Variants in CHD8 observed in about 807,000 individuals in gnomAD.
CHD8 encodes the protein ATP-dependent chromatin remodeler CHD8.
CHD8 carries 31 observed loss-of-function variants against 279.2 expected under a neutral mutation model. The ratio of observed to expected loss-of-function variants is 0.11; its 90% CI spans 0.08 to 0.15. The LOEUF is 0.15. Among genes scored for constraint, CHD8 ranks in the 10% least tolerant of loss-of-function variants. The pLI is 1.00. For synonymous variants in CHD8, 1,081 were observed against 1,139.6 expected (o/e 0.95, Z 1.04); for missense variants, 2,146 against 3,230.5 (o/e 0.66, Z 8.14).
chr14:21,437,520 G>A (rs1056421956), intron 1 of CHD8, among the ~76,000 whole-genome samples: 4 of 152,010 alleles, frequency 2.6e-5, no homozygotes, highest in African/African-American at 9.7e-5. Flanking sequence ...ACCAGTCCTG[G>A]AGATTAAATT....
chr14:21,429,366 C>G, intron 2 of CHD8, 31 bp from the exon 3 acceptor site: 4 of 1,598,656 alleles, frequency 2.5e-6, no homozygotes, highest in Non-Finnish European at 3.4e-6. Flanking sequence ...TGCAAGAGTA[C>G]AACATTAAAG....
At chr14:21,451,788 A>AGGATGGAAAC (rs1203608634) in intron 1 of CHD8, among the ~76,000 whole-genome samples, 2 of 152,178 alleles carry the variant, frequency 1.3e-5, no homozygotes, top group East Asian at 3.9e-4. Context: ...GGCCTAGTGA[A>AGGATGGAAAC]GGATGGAAAC....
rs749990615 is a variant in CHD8 at position 21,409,926 on chromosome 14, T to C, written c.2289A>G (p.Leu763=). The C allele has an allele frequency of 1.9e-6, 3 of 1,613,854 alleles. No homozygotes were observed. Among genetic ancestry groups the C allele is most frequent in the Non-Finnish European group, 2.5e-6 (3 of 1,179,774 alleles). Residue 763 remains leucine, a synonymous_variant, in exon 11 of 38, where the codon CTA becomes CTG. Coordinates refer to ENST00000646647, the MANE Select transcript of CHD8 (RefSeq NM_001170629.2). ...TCTTGCCCTCATCAACATCTTCTTT[T>C]AGCTCCCATGTGCTATCCTCATAGG... ...SLPYEDSTWE[L]KEDVDEGKIR... is the part of the protein sequence containing the mutation.
rs368009853 is a variant in CHD8 at position 21,403,432 on chromosome 14, C to A, written c.3518+21G>T. On this transcript the variant is annotated intron_variant, in intron 17 of 37. Coordinates refer to ENST00000646647, the MANE Select transcript of CHD8 (RefSeq NM_001170629.2). The surrounding 1 kb of genome is among the most constrained non-coding windows in gnomAD (Gnocchi z 4.3). ...TTTATGAGGACAGAGTAACCACAGG[C>A]TAGGATGACTCTTTTCTTACCTCCT... 4.6e-5 allele frequency: 73 copies of A among 1,580,574 alleles called. No homozygotes were observed. Among genetic ancestry groups the A allele is most frequent in the Non-Finnish European group, 6.1e-5 (70 of 1,152,740 alleles).
intron 20 of CHD8, 61 bp from the exon 21 acceptor site, chr14:21,401,574 C>A: frequency 9.7e-7 from 1 of 1,029,576 alleles, no homozygotes. Context: ...GCAAAATCAG[C>A]AATTATGTTT....
chr14:21,392,949 C>CAG, intron 33 of CHD8, 140 bp from the exon 34 acceptor site: 1 of 1,195,606 alleles, frequency 8.4e-7, no homozygotes. Context: ...TATTAAGATT[C>CAG]CTAAGTCAAC....
chr14:21,399,571 G>A (rs377109090), intron 26 of CHD8, 31 bp downstream of exon 26: 22 of 1,463,420 alleles, frequency 1.5e-5, no homozygotes, highest in South Asian at 6.8e-5. Context: ...ATCTTCAGTC[G>A]GAAAGGAGTA....
At chr14:21,386,511 G>T (rs1466885870) in intron 37 of CHD8, among the ~76,000 whole-genome samples, 1 of 152,130 alleles carries the variant, frequency 6.6e-6, no homozygotes, top group East Asian at 1.9e-4. Flanking sequence ...AAGGGGTCTG[G>T]GTAAGACAAT....
Position 21,405,028 on chromosome 14 carries a change from C to T in CHD8, c.3307+181G>A. 3.3e-6 allele frequency: 2 copies of T among 610,042 alleles called. No homozygotes were observed. Among genetic ancestry groups the T allele is most frequent in the Non-Finnish European group, 5.6e-6 (2 of 354,988 alleles). 37.8% of individuals were successfully genotyped at this position (610,042 alleles called of 1,614,324 possible). On this transcript the variant is annotated intron_variant, in intron 16 of 37. Transcript: ENST00000646647. The surrounding 1 kb of genome is among the most constrained non-coding windows in gnomAD (Gnocchi z 4.2). ...TGTATTTTTTGTAGAGGTGGGATTT[C>T]ATCATGTTGCCCAGGCTTAGAGTCT...
At chr14:21,450,415 G>A (rs939648770) in intron 1 of CHD8, among the ~76,000 whole-genome samples, 7 of 152,008 alleles carry the variant, frequency 4.6e-5, no homozygotes, top group Non-Finnish European at 8.8e-5. Flanking sequence ...AGCATGTAGT[G>A]GAAGAAAAAA....
intron 7 of CHD8, 95 bp from the exon 8 acceptor site, chr14:21,415,088 A>G (rs1185399145): frequency 4.6e-5 from 35 of 767,250 alleles, no homozygotes; most frequent in Non-Finnish European, 6.8e-5. Context: ...TCATACCAAT[A>G]ATCTCTGAAT....
In CHD8 at chr14:21,403,480, A is replaced by G. The variant is rs1396275676; in HGVS notation, c.3491T>C (p.Ile1164Thr). 6.2e-7 allele frequency: 1 copy of G among 1,613,188 alleles called. No individual in the cohort carries two copies. The highest frequency in any genetic ancestry group is 1.7e-5 in the Admixed American group (1 of 59,948). The change falls in exon 17 of 38, where the codon ATC becomes ACC. Residue 1164 changes from isoleucine (I) to threonine (T), a missense_variant. Physicochemically the swap from Ile to Thr is moderately conservative, Grantham distance 89 (BLOSUM62 -1). Around this residue, in one of 26 missense-constraint regions of CHD8, gnomAD observed 48 missense variants for 135.7 expected, o/e 0.35. Coordinates refer to ENST00000646647, the MANE Select transcript of CHD8 (RefSeq NM_001170629.2). The surrounding 1 kb of genome is among the most constrained non-coding windows in gnomAD (Gnocchi z 4.3). ...CCTCTGGATTAAATAATCCTCTAGG[A>G]TGTCTAGGCAGCGCACCATCTGAGA... ...IFSQMVRCLD[I>T]LEDYLIQRRY...
chr14:21,386,433 C>CT (rs1465605084), intron 37 of CHD8: 1 of 536,192 alleles, frequency 1.9e-6, no homozygotes, highest in Non-Finnish European at 3.3e-6. Context: ...GTTTTTGCTT[C>CT]TTTTCCCCAT....
At position 21,452,252 on chromosome 14, in the gene CHD8, T is replaced by C. The variant is rs571302962; in HGVS notation, c.-216+3780A>G. 5.8e-4 allele frequency among the ~76,000 whole-genome samples: 87 copies of C among 149,742 alleles called. No homozygotes were observed. In the South Asian group the frequency reaches 0.014, roughly 23 times the overall value. On this transcript the variant is annotated intron_variant, in intron 1 of 37. Transcript: ENST00000646647. ...AGAGACGGGGTTTCACCATGTTGGC[T>C]AGGATGCCCGCCTTGGCCTCCCAAA...
chr14:21,388,663 T>A (rs921848841), intron 37 of CHD8, among the ~76,000 whole-genome samples: 54 of 152,170 alleles, frequency 3.5e-4, no homozygotes, highest in African/African-American at 1.2e-3. Flanking sequence ...AGCTAATTTT[T>A]TGTAGAGATA....
Position 21,405,544 on chromosome 14 carries a change from T to G in CHD8, c.3052-80A>C. ...CACATTATGTAGAAACATGGAAAAA[T>G]TAGAGTTTTCCACTATCTAAGAAAT... On this transcript the variant is annotated intron_variant, in intron 15 of 37. Transcript: ENST00000646647. The surrounding 1 kb of genome is among the most constrained non-coding windows in gnomAD (Gnocchi z 4.2). The G allele has an allele frequency of 1.9e-6, 3 of 1,540,110 alleles. No individual in the cohort carries two copies. Among genetic ancestry groups the G allele is most frequent in the South Asian group, 2.5e-5 (2 of 79,776 alleles).
At chr14:21,397,449 G>A (rs990174101) in intron 27 of CHD8, 2 of 486,690 alleles carry the variant, frequency 4.1e-6, no homozygotes, top group Non-Finnish European at 8.4e-6. Flanking sequence ...GTACCATTGG[G>A]AGATGATAAA....
chr14:21,409,116 T>C (rs979178580), intron 11 of CHD8, among the ~76,000 whole-genome samples: 1 of 152,166 alleles, frequency 6.6e-6, no homozygotes, highest in African/African-American at 2.4e-5. Flanking sequence ...TGATGTCTAA[T>C]AGAGCTTTCT....
At chr14:21,388,950 C>T (rs1053973836) in intron 37 of CHD8, among the ~76,000 whole-genome samples, 8 of 152,164 alleles carry the variant, frequency 5.3e-5, no homozygotes, top group Non-Finnish European at 7.3e-5. Flanking sequence ...TATACAAGTG[C>T]TAATCCATTT....
Sources: gnomAD v4.1 joint callset for allele counts (sites outside exome capture counted in the v4.1 genomes callset) on GRCh38, gnomAD v4.1.1 for gene constraint, gnomAD v4.1.1 regional missense constraint, Gnocchi (gnomAD v3.1) non-coding constraint, MANE v1.5 for transcripts, NCBI Gene and HGNC (gene_info 2026-07-23, HGNC 2026-07-21) for gene names.